PLA2G15: variants seen among roughly 807,000 people sequenced by gnomAD.
PLA2G15 encodes lysosomal phospholipase A and acyltransferase.
Under a neutral mutation model 40.9 loss-of-function variants are expected in PLA2G15, and 20 were observed. The observed-to-expected ratio is 0.49, with a 90% CI of 0.34 to 0.71. The LOEUF is 0.71. Among genes scored for constraint, PLA2G15 ranks in the 30% least tolerant of loss-of-function variants. The pLI is 0.01. For missense variants in PLA2G15, 471 were observed against 541.9 expected (o/e 0.87, Z 1.30); for synonymous variants, 223 against 228.2 (o/e 0.98, Z 0.21).
In PLA2G15 at chr16:68,260,859, G is replaced by A. The variant is rs960429495; in HGVS notation, c.*1202G>A. On this transcript the variant is annotated 3_prime_UTR_variant, in exon 6 of 6. Transcript: ENST00000219345. Reference sequence around the variant, plus strand: ...GTGACTGGCCACAGGCCGAGAAAAGGGTACAGCCTCTAGGTGGGGTTCCCA... The same window carrying A: ...GTGACTGGCCACAGGCCGAGAAAAGAGTACAGCCTCTAGGTGGGGTTCCCA... 6.6e-6 allele frequency: 1 copy of A among 152,344 alleles called. No individual in the cohort carries two copies. The highest frequency in any genetic ancestry group is 2.4e-5 in the African/African-American group (1 of 41,458). The allele number at this position is 152,344 out of a possible 1,614,324, so 9.4% of individuals were successfully genotyped here. A position where few individuals can be genotyped will look rare whatever the true frequency, so the allele number is the denominator to read the frequency against.
chr16:68,259,010 AT>A lies in PLA2G15; in HGVS notation c.728-135del. On this transcript the variant is annotated intron_variant, in intron 5 of 5. Transcript: ENST00000219345. This position sits in a 1 kb window ranked among gnomAD's most constrained non-coding sequence, Gnocchi z 6.5. ...AGGGATGGGAGTCACAGTGATTACA[AT>A]GATGATAACCGGGTAGAGATGCGGG... 1 of 697,576 alleles carries A rather than the reference AT, an allele frequency of 1.4e-6. No individual in the cohort carries two copies. The highest frequency in any genetic ancestry group is 1.8e-5 in the South Asian group (1 of 56,136). 43.2% of individuals were successfully genotyped at this position (697,576 alleles called of 1,614,324 possible).
In PLA2G15 at chr16:68,249,370, G is replaced by A. The variant is rs775947462; in HGVS notation, c.208G>A (p.Glu70Lys). ...GCACTACCTCTGCTCCAAGAAGACC[G>A]AAAGCTACTTCACAATCTGGCTGAA... is the stretch of plus-strand genomic sequence containing the variant. Reference protein sequence around the residue: ...VVHYLCSKKTESYFTIWLNLE... With the variant: ...VVHYLCSKKTKSYFTIWLNLE... Residue 70 changes from glutamate to lysine, a missense_variant, in exon 2 of 6, where the codon GAA becomes AAA. Physicochemically the swap from Glu to Lys is moderately conservative, Grantham distance 56. Transcript: ENST00000219345. 9.9e-6 allele frequency: 16 copies of A among 1,614,070 alleles called. No individual in the cohort carries two copies. The highest frequency in any genetic ancestry group is 3.3e-5 in the South Asian group (3 of 91,082).
rs772978345 is a variant in PLA2G15, at chr16:68,254,995, A to G, written c.361A>G (p.Thr121Ala). The change falls in exon 3 of 6, where the codon ACC (threonine) becomes GCC (alanine). Residue 121 changes from threonine (T) to alanine (A), a missense_variant. By Grantham distance (58) the Thr-to-Ala change is moderately conservative. Coordinates refer to ENST00000219345, the MANE Select transcript of PLA2G15 (RefSeq NM_012320.4). ...TGTACGTGTCCCTGGCTTTGGGAAG[A>G]CCTTCTCACTGGAGTTCCTGGACCC... is the stretch of plus-strand genomic sequence containing the variant. The part of the protein sequence containing the change: ...VDVRVPGFGK[T>A]FSLEFLDPSK... The G allele has an allele frequency of 6.2e-7, 1 of 1,613,850 alleles. No individual in the cohort carries two copies. Among genetic ancestry groups the G allele is most frequent in the Admixed American group, 1.7e-5 (1 of 60,006 alleles).
intron 2 of PLA2G15, 29 bp from the exon 3 acceptor site, chr16:68,254,890 G>C: frequency 7.1e-7 from 1 of 1,413,032 alleles, no homozygotes. Flanking sequence ...TCCCCTCCGG[G>C]TCACTGGCTC....
Position 68,259,002 on chromosome 16 carries a change from T to G in PLA2G15, c.728-144T>G. 1 of 669,056 alleles carries G rather than the reference T, an allele frequency of 1.5e-6. No homozygotes were observed. Among genetic ancestry groups the G allele is most frequent in the South Asian group, 1.9e-5 (1 of 53,856 alleles). 41.4% of individuals were successfully genotyped at this position (669,056 alleles called of 1,614,324 possible). On this transcript the variant is annotated intron_variant, in intron 5 of 5. Transcript: ENST00000219345. This position sits in a 1 kb window ranked among gnomAD's most constrained non-coding sequence, Gnocchi z 6.5. ...GCCAAGGCAGGGATGGGAGTCACAGTGATTACAATGATGATAACCGGGTAG... is the reference window on the plus strand; with the variant it reads ...GCCAAGGCAGGGATGGGAGTCACAGGGATTACAATGATGATAACCGGGTAG...
intron 1 of PLA2G15, among the ~76,000 whole-genome samples, chr16:68,246,247 C>G (rs3785110): frequency 1.3e-5 from 2 of 150,760 alleles, no homozygotes; most frequent in East Asian, 4.0e-4. Flanking sequence ...CTGCTCACCC[C>G]GCTCCTTGAT....
chr16:68,247,985 C>T (rs2042323004), intron 1 of PLA2G15, among the ~76,000 whole-genome samples: 1 of 152,180 alleles, frequency 6.6e-6, no homozygotes, highest in African/African-American at 2.4e-5. Flanking sequence ...GTTCTGAGTA[C>T]ACTGAATAGG....
intron 2 of PLA2G15, among the ~76,000 whole-genome samples, chr16:68,253,799 C>T (rs777669516): frequency 6.6e-6 from 1 of 151,466 alleles, no homozygotes; most frequent in Non-Finnish European, 1.5e-5. Context: ...AAGTCATCCT[C>T]CTGCCTCAGC....
chr16:68,246,126 CA>C (rs1156554998), intron 1 of PLA2G15, among the ~76,000 whole-genome samples: 1 of 152,220 alleles, frequency 6.6e-6, no homozygotes, highest in Non-Finnish European at 1.5e-5. Flanking sequence ...CAACTGAAGT[CA>C]GGGGAAAGGG....
In PLA2G15 at chr16:68,245,524, C is replaced by A; in HGVS notation, c.98C>A (p.Pro33Gln). The stretch of plus-strand genomic sequence containing the variant: ...ATGCTGCTCGCGGACCCAGCGCTCC[C>A]GGCCGGACGTCACCCCCCAGTGGTG... ...LLMLLADPAL[P>Q]AGRHPPVVLV... is the part of the protein sequence containing the mutation. The change falls in exon 1 of 6, where the codon CCG becomes CAG. Residue 33 changes from proline (P) to glutamine (Q), a missense_variant. By Grantham distance (76) the Pro-to-Gln change is moderately conservative. Transcript: ENST00000219345. 1 of 1,593,282 alleles carries A rather than the reference C, an allele frequency of 6.3e-7. No homozygotes were observed. Among genetic ancestry groups the A allele is most frequent in the East Asian group, 2.3e-5 (1 of 43,812 alleles).
At position 68,254,947 on chromosome 16, in the gene PLA2G15, A is replaced by G. The variant is rs1164845011; in HGVS notation, c.313A>G (p.Thr105Ala). The G allele has an allele frequency of 1.3e-5, 21 of 1,613,874 alleles. No homozygotes were observed. The highest frequency in any genetic ancestry group is 1.7e-5 in the Non-Finnish European group (20 of 1,179,798). The change falls in exon 3 of 6, where the codon ACC (threonine) becomes GCC (alanine). Residue 105 changes from threonine to alanine, a missense_variant. Physicochemically the swap from Thr to Ala is moderately conservative, Grantham distance 58 (BLOSUM62 0). Coordinates refer to ENST00000219345, the MANE Select transcript of PLA2G15 (RefSeq NM_012320.4). ...RLVYNKTSRA[T>A]QFPDGVDVRV... ...GGTTTACAACAAAACATCCAGGGCC[A>G]CCCAGTTTCCTGATGGTGTGGATGT...
chr16:68,255,743 C>T lies in PLA2G15; in HGVS notation c.503-23C>T. The T allele has an allele frequency of 6.2e-7, 1 of 1,603,798 alleles. No individual in the cohort carries two copies. Among genetic ancestry groups the T allele is most frequent in the Non-Finnish European group, 8.5e-7 (1 of 1,170,646 alleles). The stretch of plus-strand genomic sequence containing the variant: ...GGCTCCAGGACCCTTCCCACCTGAC[C>T]CCTGCCTGGCTCTGGCCTGCAGATG... On this transcript the variant is annotated intron_variant, in intron 4 of 5. Coordinates refer to ENST00000219345, the MANE Select transcript of PLA2G15 (RefSeq NM_012320.4). This position sits in a 1 kb window ranked among gnomAD's most constrained non-coding sequence, Gnocchi z 5.9.
intron 5 of PLA2G15, among the ~76,000 whole-genome samples, chr16:68,258,378 C>CA (rs1361852615): frequency 6.6e-6 from 1 of 152,206 alleles, no homozygotes; most frequent in African/African-American, 2.4e-5. Context: ...CCTGCTGACT[C>CA]ACTTTAGACT....
chr16:68,254,894 C>T, intron 2 of PLA2G15, 25 bp from the exon 3 acceptor site: 1 of 1,469,200 alleles, frequency 6.8e-7, no homozygotes, highest in Non-Finnish European at 9.5e-7. Flanking sequence ...CTCCGGGTCA[C>T]TGGCTCAATA....
Position 68,247,413 on chromosome 16 carries a change from G to T in PLA2G15, c.127+1860G>T, listed in dbSNP as rs115124765. ...CTGTCCCCTCCCAGTGTTACTTGAG[G>T]TGAAAGGCATGTGGATGGCTCTTTT... On this transcript the variant is annotated intron_variant, in intron 1 of 5. Coordinates refer to ENST00000219345, the MANE Select transcript of PLA2G15 (RefSeq NM_012320.4). 7.9e-3 allele frequency among the ~76,000 whole-genome samples: 1,210 copies of T among 152,338 alleles called. 16 individuals carry two copies. The highest frequency in any genetic ancestry group is 0.027 in the African/African-American group (1,137 of 41,564).
At position 68,255,898 on chromosome 16, in the gene PLA2G15, C is replaced by G. The variant is rs1004103396; in HGVS notation, c.635C>G (p.Pro212Arg). Residue 212 changes from proline (P) to arginine (R), a missense_variant, in exon 5 of 6, where the codon CCG becomes CGG. Pro to Arg is a moderately radical substitution (Grantham distance 103, BLOSUM62 -2). Transcript: ENST00000219345. The surrounding 1 kb of genome is among the most constrained non-coding windows in gnomAD (Gnocchi z 5.9). The stretch of plus-strand genomic sequence containing the variant: ...ACGCTCTACTTTCTGCAGCGGCAGC[C>G]GCAGGCCTGGAAGGACAAGTATATC... Reference protein sequence around the residue: ...MYTLYFLQRQPQAWKDKYIRA... With the variant: ...MYTLYFLQRQRQAWKDKYIRA... 1 of 1,613,862 alleles carries G rather than the reference C, an allele frequency of 6.2e-7. No homozygotes were observed. Among genetic ancestry groups the G allele is most frequent in the Admixed American group, 1.7e-5 (1 of 60,018 alleles).
In PLA2G15 at chr16:68,255,093, G is replaced by A; in HGVS notation, c.403+56G>A. 1 of 1,178,320 alleles carries A rather than the reference G, an allele frequency of 8.5e-7. No individual in the cohort carries two copies. Among genetic ancestry groups the A allele is most frequent in the East Asian group, 2.3e-5 (1 of 42,804 alleles). The allele number at this position is 1,178,320 out of a possible 1,614,324, so 73.0% of individuals were successfully genotyped here. A position where few individuals can be genotyped will look rare whatever the true frequency, so the allele number is the denominator to read the frequency against. On this transcript the variant is annotated intron_variant, in intron 3 of 5. Transcript: ENST00000219345. The surrounding 1 kb of genome is among the most constrained non-coding windows in gnomAD (Gnocchi z 5.9). ...GCTGGGATGGGGTTTCTGCCGGACT[G>A]GAGCTGGAGCTGGAGGAACTCTGCT...
At position 68,249,585 on chromosome 16, in the gene PLA2G15, C is replaced by T. The variant is rs926994299; in HGVS notation, c.284+139C>T. 1.7e-5 allele frequency: 12 copies of T among 726,434 alleles called. 1 individual carries two copies. The highest frequency in any genetic ancestry group is 3.5e-5 in the South Asian group (2 of 57,194). 45.0% of individuals were successfully genotyped at this position (726,434 alleles called of 1,614,324 possible). A position where few individuals can be genotyped will look rare whatever the true frequency, so the allele number is the denominator to read the frequency against. On this transcript the variant is annotated intron_variant, in intron 2 of 5. Transcript: ENST00000219345. ...GGTCCTCGGTCTGGTCTGGTCTGGT[C>T]TGGTTGGCACCACCTCTGCACTCCC... is the stretch of plus-strand genomic sequence containing the variant.
chr16:68,245,824 C>T (rs964649844), intron 1 of PLA2G15, among the ~76,000 whole-genome samples: 4 of 152,170 alleles, frequency 2.6e-5, no homozygotes, highest in African/African-American at 9.7e-5. Context: ...CGCATCATTC[C>T]CAAGCCTTGC....
Sources: gnomAD v4.1 joint callset for allele counts (sites outside exome capture counted in the v4.1 genomes callset) on GRCh38, gnomAD v4.1.1 for gene constraint, Gnocchi (gnomAD v3.1) non-coding constraint, MANE v1.5 for transcripts, NCBI Gene and HGNC (gene_info 2026-07-23, HGNC 2026-07-21) for gene names.